Variants in LRRFIP2 observed in about 807,000 individuals in gnomAD.
The protein encoded by LRRFIP2 is LRR binding FLII interacting protein 2.
Under a neutral mutation model 125.9 loss-of-function variants are expected in LRRFIP2, and 109 were observed. The observed-to-expected ratio is 0.87, with a 90% CI of 0.74 to 1.01. LRRFIP2 has a LOEUF of 1.01. Among genes scored for constraint, LRRFIP2 ranks in the 50% least tolerant of loss-of-function variants. The pLI, the probability that LRRFIP2 is intolerant of heterozygous loss-of-function variation, is 0.00. For synonymous variants in LRRFIP2, 291 were observed against 293.1 expected (o/e 0.99, Z 0.07); for missense variants, 850 against 862.3 (o/e 0.99, Z 0.18).
chr3:37,126,846 C>T (rs561541823), intron 4 of LRRFIP2, among the ~76,000 whole-genome samples: 35 of 143,706 alleles, frequency 2.4e-4, no homozygotes, highest in East Asian at 1.2e-3. Flanking sequence ...GCAACAAGCG[C>T]GAAACTCCAT....
chr3:37,114,228 C>G (rs1435226199), intron 7 of LRRFIP2, among the ~76,000 whole-genome samples: 1 of 151,972 alleles, frequency 6.6e-6, no homozygotes, highest in Non-Finnish European at 1.5e-5. Flanking sequence ...GAAAAACAAG[C>G]TATAACTTAA....
intron 25 of LRRFIP2, 115 bp downstream of exon 25, chr3:37,058,675 C>CA (rs58404365): frequency 0.052 from 46,469 of 902,108 alleles, 46 homozygotes; most frequent in East Asian, 0.11. Context: ...ACTCCCATCT[C>CA]AAAAAAAAAA....
chr3:37,173,531 G>C (rs1369929018), intron 1 of LRRFIP2, among the ~76,000 whole-genome samples: 1 of 152,106 alleles, frequency 6.6e-6, no homozygotes, highest in Non-Finnish European at 1.5e-5. Flanking sequence ...CCTATTAAAG[G>C]ACCATCTCTC....
intron 1 of LRRFIP2, among the ~76,000 whole-genome samples, chr3:37,153,653 T>A (rs1246623397): frequency 6.6e-6 from 1 of 152,136 alleles, no homozygotes; most frequent in Non-Finnish European, 1.5e-5. Context: ...ATGTAAAAAA[T>A]TATTCTTTCT....
At chr3:37,115,146 T>G in intron 6 of LRRFIP2, 51 bp from the exon 7 acceptor site, 1 of 1,303,104 alleles carries the variant, frequency 7.7e-7, no homozygotes, top group Non-Finnish European at 1.1e-6. Context: ...TTCAGAAATA[T>G]AAAGAAGAGA....
At chr3:37,073,052 A>C (rs937585311) in intron 20 of LRRFIP2, among the ~76,000 whole-genome samples, 170 bp from the exon 21 acceptor site, 11 of 152,126 alleles carry the variant, frequency 7.2e-5, no homozygotes, top group Admixed American at 3.9e-4. Flanking sequence ...TGACATTCAC[A>C]GTCTTGGCCA....
intron 19 of LRRFIP2, among the ~76,000 whole-genome samples, chr3:37,075,913 A>G (rs535762901): frequency 1.3e-5 from 2 of 152,204 alleles, no homozygotes; most frequent in Admixed American, 6.5e-5. Context: ...ATTTAAAAAC[A>G]ATAAAAATAA....
chr3:37,131,088 G>A (rs1261262790), intron 2 of LRRFIP2, among the ~76,000 whole-genome samples: 1 of 152,116 alleles, frequency 6.6e-6, no homozygotes, highest in East Asian at 1.9e-4. Flanking sequence ...TGGCAATCAG[G>A]TTTGCTACTA....
intron 6 of LRRFIP2, among the ~76,000 whole-genome samples, chr3:37,120,955 T>TGA (rs2095007989): frequency 6.6e-6 from 1 of 152,162 alleles, no homozygotes; most frequent in Non-Finnish European, 1.5e-5. Flanking sequence ...TCCTTCCTCC[T>TGA]GACTTATAAC....
chr3:37,065,443 G>A, intron 23 of LRRFIP2: 1 of 398,240 alleles, frequency 2.5e-6, no homozygotes, highest in Non-Finnish European at 5.0e-6. Flanking sequence ...GATGTTCCAA[G>A]GATGAGAAAC....
rs1316748670 is a variant in LRRFIP2, at chr3:37,094,249, A to G, written c.1035+543T>C. Reference sequence around the variant, plus strand: ...ACAGCAGGTTCAGCAAATAAAATATATATTTTTTAAAGTTCTCTTTTTCCA... The same window carrying G: ...ACAGCAGGTTCAGCAAATAAAATATGTATTTTTTAAAGTTCTCTTTTTCCA... On this transcript the variant is annotated intron_variant, in intron 17 of 27. Coordinates refer to ENST00000336686, the MANE Select transcript of LRRFIP2 (RefSeq NM_006309.4). Among the ~76,000 whole-genome samples the G allele has an allele frequency of 7.2e-5, 11 of 152,328 alleles. No homozygotes were observed. The East Asian group carries it at 2.1e-3, about 29-fold the overall frequency.
At position 37,109,529 on chromosome 3, in the gene LRRFIP2, G is replaced by A. The variant is rs1365281948; in HGVS notation, c.607C>T (p.Leu203=). 1 of 1,613,938 alleles carries A rather than the reference G, an allele frequency of 6.2e-7. No homozygotes were observed. The highest frequency in any genetic ancestry group is 8.5e-7 in the Non-Finnish European group (1 of 1,179,902). ...ANSGLLRSAS[L]ASLYNGGLYN... ...CACTGGAAGAGGAAAATACAAACCAGACTGGCACTTCTCAGCAGACCAGAA... is the reference window on the plus strand; with the variant it reads ...CACTGGAAGAGGAAAATACAAACCAAACTGGCACTTCTCAGCAGACCAGAA... The change falls in exon 11 of 28, where the codon CTG becomes TTG. Residue 203 remains leucine (L), a splice_region_variant and synonymous_variant. Transcript: ENST00000336686.
At chr3:37,055,271 T>G in intron 25 of LRRFIP2, 106 bp from the exon 26 acceptor site, 1 of 659,968 alleles carries the variant, frequency 1.5e-6, no homozygotes, top group Admixed American at 3.1e-5. Flanking sequence ...GTCTTAAGAT[T>G]ACAAAATACA....
intron 16 of LRRFIP2, 93 bp from the exon 17 acceptor site, chr3:37,095,001 A>G (rs2093650707): frequency 1.2e-6 from 1 of 805,644 alleles, no homozygotes; most frequent in Admixed American, 1.9e-5. Flanking sequence ...TTGGGGGAAG[A>G]TGTGGGTTTC....
At chr3:37,054,710 T>C (rs1184607900) in intron 26 of LRRFIP2, among the ~76,000 whole-genome samples, 195 bp from the exon 27 acceptor site, 1 of 152,220 alleles carries the variant, frequency 6.6e-6, no homozygotes, top group East Asian at 1.9e-4. Flanking sequence ...GGATTACAGC[T>C]GTAGAGTCAT....
At chr3:37,129,691 A>G (rs1299793410) in intron 2 of LRRFIP2, among the ~76,000 whole-genome samples, 1 of 152,200 alleles carries the variant, frequency 6.6e-6, no homozygotes, top group Admixed American at 6.5e-5. Context: ...CAAATTCACT[A>G]TTTAAATGTA....
At chr3:37,120,060 T>C (rs900269133) in intron 6 of LRRFIP2, among the ~76,000 whole-genome samples, 3 of 151,926 alleles carry the variant, frequency 2.0e-5, no homozygotes, top group Admixed American at 2.0e-4. Context: ...AAATCATTTA[T>C]AAGCTGCCAA....
chr3:37,121,041 T>C (rs772237932), intron 6 of LRRFIP2, among the ~76,000 whole-genome samples: 5 of 152,188 alleles, frequency 3.3e-5, no homozygotes, highest in Non-Finnish European at 7.4e-5. Flanking sequence ...TTCCTATACA[T>C]ATTCAGAGAA....
intron 1 of LRRFIP2, among the ~76,000 whole-genome samples, chr3:37,165,770 G>T (rs939192427): frequency 1.1e-5 from 1 of 92,778 alleles, no homozygotes; most frequent in South Asian, 3.3e-4. Flanking sequence ...AAAAAGAAAA[G>T]AAAAGAAAAG....
Sources: allele counts gnomAD v4.1 joint callset (sites outside exome capture counted in the v4.1 genomes callset), GRCh38; gene constraint gnomAD v4.1.1; transcripts MANE v1.5; gene names NCBI Gene and HGNC (gene_info 2026-07-23, HGNC 2026-07-21).